The following CCDC171 variants were observed in gnomAD, a reference collection of about 807,000 sequenced individuals.
CCDC171 encodes coiled-coil domain-containing protein 171.
CCDC171 carries 177 observed loss-of-function variants against 168.2 expected under a neutral mutation model. That is an observed-to-expected ratio of 1.05 (90% CI 0.93 to 1.19). CCDC171 has a LOEUF of 1.19. Among genes scored for constraint, CCDC171 ranks in the 50% most tolerant of loss-of-function variants. The pLI is 0.00. For synonymous variants in CCDC171, 687 were observed against 540.8 expected (o/e 1.27, Z -3.75); for missense variants, 1,991 against 1,539.0 (o/e 1.29, Z -4.91).
At chr9:15,807,249 GT>G (rs2059122707) in intron 21 of CCDC171, among the ~76,000 whole-genome samples, 1 of 152,154 alleles carries the variant, frequency 6.6e-6, no homozygotes, top group Non-Finnish European at 1.5e-5. Context: ...AGGAACCCTT[GT>G]TGTAGAACTA....
At chr9:16,011,251 G>A (rs1425811682) in intron 3 of CCDC171, among the ~76,000 whole-genome samples, 1 of 152,062 alleles carries the variant, frequency 6.6e-6, no homozygotes, top group African/African-American at 2.4e-5. Flanking sequence ...CTGGGCCCCT[G>A]GATGGATTAC....
intron 18 of CCDC171, among the ~76,000 whole-genome samples, chr9:15,772,969 A>G (rs766103251): frequency 3.9e-4 from 59 of 152,026 alleles, no homozygotes; most frequent in Non-Finnish European, 7.6e-4. Flanking sequence ...AACAATACTC[A>G]TTATTAATAT....
At chr9:15,863,561 T>G (rs1186220592) in intron 23 of CCDC171, among the ~76,000 whole-genome samples, 2 of 152,076 alleles carry the variant, frequency 1.3e-5, no homozygotes, top group Admixed American at 1.3e-4. Flanking sequence ...ACTTCAAAAT[T>G]TATATTTTGC....
intron 6 of CCDC171, among the ~76,000 whole-genome samples, chr9:15,618,047 C>G (rs1269805799): frequency 1.3e-5 from 2 of 152,150 alleles, no homozygotes; most frequent in Non-Finnish European, 2.9e-5. Context: ...CTGGGAGAAT[C>G]CCCCTTGTCA....
At chr9:15,695,376 T>G in intron 11 of CCDC171, 39 bp downstream of exon 11, 5 of 1,461,298 alleles carry the variant, frequency 3.4e-6, no homozygotes, top group Non-Finnish European at 4.8e-6. Context: ...CATCTGTCAA[T>G]GTTCCAAAGT....
chr9:15,918,028 T>G (rs2131954941), intron 24 of CCDC171, among the ~76,000 whole-genome samples: 1 of 151,824 alleles, frequency 6.6e-6, no homozygotes, highest in East Asian at 1.9e-4. Context: ...CTTTCTTATA[T>G]TAAATGCAAC....
At chr9:15,778,111 C>A (rs1207181503) in intron 19 of CCDC171, among the ~76,000 whole-genome samples, 1 of 148,098 alleles carries the variant, frequency 6.8e-6, no homozygotes, top group African/African-American at 2.5e-5. Context: ...TCCTGGCTAA[C>A]AAGGTGAAAC....
At chr9:15,675,965 G>A (rs909488189) in intron 9 of CCDC171, among the ~76,000 whole-genome samples, 1 of 152,172 alleles carries the variant, frequency 6.6e-6, no homozygotes, top group Non-Finnish European at 1.5e-5. Flanking sequence ...CCTGAAGAGT[G>A]TTTTCTAACT....
chr9:15,773,045 C>T (rs2057095599), intron 18 of CCDC171, among the ~76,000 whole-genome samples: 1 of 151,978 alleles, frequency 6.6e-6, no homozygotes. Context: ...TACTATTATA[C>T]TCATTACTAA....
At chr9:15,685,474 A>T (rs923624149) in intron 10 of CCDC171, among the ~76,000 whole-genome samples, 3 of 152,070 alleles carry the variant, frequency 2.0e-5, no homozygotes, top group African/African-American at 7.2e-5. Flanking sequence ...CTACAAAAAA[A>T]TTTAAAAAAA....
chr9:15,826,005 G>A (rs1481471367), intron 21 of CCDC171, among the ~76,000 whole-genome samples: 1 of 151,980 alleles, frequency 6.6e-6, no homozygotes, highest in Non-Finnish European at 1.5e-5. Context: ...TAGTCTGTCA[G>A]AAGTTGAATA....
In CCDC171 at chr9:15,686,968, T is replaced by G. The variant is rs556999606; in HGVS notation, c.1215+8072T>G. Among the ~76,000 whole-genome samples the G allele has an allele frequency of 2.6e-5, 4 of 152,236 alleles. No individual in the cohort carries two copies. In the South Asian group the frequency reaches 8.3e-4, roughly 32 times the overall value. ...CAAAAGAAGATACATTCTTCTCAAG[T>G]GTACGTGAAATATTCTTGTGGATAG... On this transcript the variant is annotated intron_variant, in intron 10 of 25. Coordinates refer to ENST00000380701, the MANE Select transcript of CCDC171 (RefSeq NM_173550.4).
At chr9:15,591,603 G>GAGATGTGT (rs1564002486) in intron 5 of CCDC171, 47 bp downstream of exon 5, 1 of 1,049,994 alleles carries the variant, frequency 9.5e-7, no homozygotes, top group Non-Finnish European at 1.4e-6. Flanking sequence ...AATATTCACC[G>GAGATGTGT]AGATGTGTTG....
chr9:15,728,019 A>C lies in CCDC171; in HGVS notation c.1843A>C (p.Asn615His). 6.2e-7 allele frequency: 1 copy of C among 1,612,226 alleles called. No individual in the cohort carries two copies. The highest frequency in any genetic ancestry group is 2.2e-5 in the East Asian group (1 of 44,834). Residue 615 changes from asparagine (N) to histidine (H), a missense_variant, in exon 15 of 26, where the codon AAC becomes CAC. Coordinates refer to ENST00000380701, the MANE Select transcript of CCDC171 (RefSeq NM_173550.4). ...ENVDALIADL[N>H]RANEKIRHLE... ...TGTTGATGCCCTGATTGCAGACCTCAACAGGGCTAATGAGAAGGTAACTGT... is the reference window on the plus strand; with the variant it reads ...TGTTGATGCCCTGATTGCAGACCTCCACAGGGCTAATGAGAAGGTAACTGT...
intron 1 of CCDC171, among the ~76,000 whole-genome samples, chr9:16,048,777 C>G (rs113486015): frequency 7.2e-5 from 11 of 152,084 alleles, no homozygotes; most frequent in African/African-American, 2.7e-4. Flanking sequence ...ATAGTAGCAT[C>G]CACCTTAAAG....
chr9:15,864,426 A>T (rs1429677026), intron 23 of CCDC171, among the ~76,000 whole-genome samples: 1 of 152,068 alleles, frequency 6.6e-6, no homozygotes, highest in Non-Finnish European at 1.5e-5. Flanking sequence ...TGTCATTTAC[A>T]TTAGGTATAT....
intron 7 of CCDC171, among the ~76,000 whole-genome samples, chr9:15,632,643 A>C (rs1446344519): frequency 6.6e-6 from 1 of 152,144 alleles, no homozygotes; most frequent in Non-Finnish European, 1.5e-5. Context: ...GCTACCAATG[A>C]CTTTCTTCAC....
intron 3 of CCDC171, among the ~76,000 whole-genome samples, chr9:15,575,912 C>T (rs1010731333): frequency 1.3e-5 from 2 of 152,032 alleles, no homozygotes; most frequent in African/African-American, 2.4e-5. Context: ...GCCAACATGG[C>T]GAAACCCTGT....
chr9:15,944,829 CTTTCTTT>C (rs199927441), intron 25 of CCDC171, among the ~76,000 whole-genome samples: 10,032 of 48,680 alleles, frequency 0.21, 520 homozygotes, highest in East Asian at 0.43. Context: ...AATTCTTTTT[CTTTCTTT>C]TTTCTTTCTT....
Sources: gnomAD v4.1 joint callset for allele counts (sites outside exome capture counted in the v4.1 genomes callset) on GRCh38, gnomAD v4.1.1 for gene constraint, MANE v1.5 for transcripts, NCBI Gene and HGNC (gene_info 2026-07-23, HGNC 2026-07-21) for gene names.